SUSD1: variants seen among roughly 807,000 people sequenced by gnomAD.
The protein encoded by SUSD1 is sushi domain-containing protein 1.
SUSD1 carries 65 observed loss-of-function variants against 86.9 expected under a neutral mutation model. The observed-to-expected ratio is 0.75, with a 90% CI of 0.61 to 0.92. SUSD1 has a LOEUF of 0.92. Among genes scored for constraint, SUSD1 ranks in the 40% least tolerant of loss-of-function variants. The probability of loss-of-function intolerance (pLI) is 0.00; values close to 1 mark genes in which losing one functional copy is unlikely to be tolerated. For missense variants in SUSD1, 850 were observed against 929.7 expected, an observed-to-expected ratio of 0.91 and a Z score of 1.11; for synonymous variants, 346 against 350.0, an observed-to-expected ratio of 0.99 and a Z score of 0.13.
intron 5 of SUSD1, among the ~76,000 whole-genome samples, chr9:112,134,768 T>TA (rs552281974): frequency 0.023 from 3,271 of 143,272 alleles, 110 homozygotes; most frequent in African/African-American, 0.08. Flanking sequence ...TGAAATTATT[T>TA]AAAAAAAAAA....
At chr9:112,159,869 G>A (rs1300332573) in intron 1 of SUSD1, among the ~76,000 whole-genome samples, 2 of 151,838 alleles carry the variant, frequency 1.3e-5, no homozygotes, top group Non-Finnish European at 1.5e-5. Flanking sequence ...GGTTAATTTG[G>A]TATTACCTAG....
At chr9:112,131,231 T>C (rs1832021672) in intron 5 of SUSD1, among the ~76,000 whole-genome samples, 2 of 152,192 alleles carry the variant, frequency 1.3e-5, no homozygotes, top group Non-Finnish European at 2.9e-5. Context: ...CACGAAGGGC[T>C]CCACCTAGGC....
intron 6 of SUSD1, among the ~76,000 whole-genome samples, chr9:112,115,824 G>GAAAAAAAAAAGAAAAAAAAAAAGA (rs11269025): frequency 2.5e-5 from 3 of 120,940 alleles, no homozygotes; most frequent in Admixed American, 9.9e-5. Flanking sequence ...AAAAAAAAAA[G>GAAAAAAAAAAGAAAAAAAAAAAGA]AAAAAAAAAA....
chr9:112,075,489 G>T (rs1829477901), intron 12 of SUSD1, among the ~76,000 whole-genome samples: 1 of 152,172 alleles, frequency 6.6e-6, no homozygotes, highest in African/African-American at 2.4e-5. Context: ...CACTTTGGGA[G>T]GTGAGATGGG....
intron 10 of SUSD1, among the ~76,000 whole-genome samples, chr9:112,095,590 C>T (rs1230191378): frequency 6.6e-6 from 1 of 152,178 alleles, no homozygotes; most frequent in Non-Finnish European, 1.5e-5. Flanking sequence ...CAGCAGCTCA[C>T]AGATCAGCTG....
chr9:112,076,789 G>C (rs955653378), intron 12 of SUSD1, among the ~76,000 whole-genome samples: 1 of 152,046 alleles, frequency 6.6e-6, no homozygotes, highest in Admixed American at 6.6e-5. Flanking sequence ...GACTGAGAGG[G>C]GACAGCAAGG....
rs1284375477 is a variant in SUSD1, at chr9:112,114,496, AAAAC to A, written c.887-1632_887-1629del. On this transcript the variant is annotated intron_variant, in intron 6 of 16. Transcript: ENST00000374270. ...AGACTCCATCTCAAAAACAAAAACAAAAACAAACAAACAAAATTCCTGCAGACAG... is the reference window on the plus strand; with the variant it reads ...AGACTCCATCTCAAAAACAAAAACAAAAACAAACAAAATTCCTGCAGACAG... Among the ~76,000 whole-genome samples the A allele has an allele frequency of 4.6e-5, 7 of 152,302 alleles. No individual in the cohort carries two copies. In the East Asian group the frequency reaches 5.8e-4, roughly 13 times the overall value.
At chr9:112,120,923 C>T (rs1016054546) in intron 6 of SUSD1, among the ~76,000 whole-genome samples, 1 of 152,206 alleles carries the variant, frequency 6.6e-6, no homozygotes, top group Non-Finnish European at 1.5e-5. Flanking sequence ...CCAAGTGACT[C>T]CAGCAGTTGT....
At chr9:112,124,914 A>G (rs796311382) in intron 5 of SUSD1, among the ~76,000 whole-genome samples, 7 of 152,326 alleles carry the variant, frequency 4.6e-5, no homozygotes, top group Admixed American at 1.3e-4. Context: ...AATCAGTTGC[A>G]TAGGAGGAGA....
At chr9:112,162,062 T>C (rs1430951041) in intron 1 of SUSD1, among the ~76,000 whole-genome samples, 3 of 152,190 alleles carry the variant, frequency 2.0e-5, no homozygotes, top group African/African-American at 7.2e-5. Context: ...AAATCAACTT[T>C]ATTGAGATAT....
chr9:112,104,838 G>C (rs890252231), intron 8 of SUSD1: 8 of 152,226 alleles, frequency 5.3e-5, no homozygotes, highest in Non-Finnish European at 1.5e-5. Flanking sequence ...TCCAGAATGG[G>C]GGGGAAAAAC....
At chr9:112,043,580 G>T (rs1827834763) in intron 15 of SUSD1, among the ~76,000 whole-genome samples, 1 of 152,058 alleles carries the variant, frequency 6.6e-6, no homozygotes, top group South Asian at 2.1e-4. Context: ...GGCTCTGTGT[G>T]AATTAAGCTC....
At chr9:112,148,904 C>T (rs999092399) in intron 3 of SUSD1, among the ~76,000 whole-genome samples, 9 of 134,612 alleles carry the variant, frequency 6.7e-5, no homozygotes, top group African/African-American at 1.6e-4. Context: ...AGACCCCCCC[C>T]TTAAAAAAAA....
chr9:112,112,924 T>C (rs538478396), intron 6 of SUSD1, 56 bp from the exon 7 acceptor site: 20 of 1,067,648 alleles, frequency 1.9e-5, no homozygotes, highest in Non-Finnish European at 2.6e-5. Flanking sequence ...TTTAGCAAAA[T>C]TCTAAAGGAG....
At chr9:112,141,739 TATATTACATGTA>T (rs1832576675) in intron 5 of SUSD1, among the ~76,000 whole-genome samples, 1 of 130,148 alleles carries the variant, frequency 7.7e-6, no homozygotes, top group African/African-American at 3.4e-5. Context: ...ATATATAATA[TATATTACATGTA>T]ATATATAATA....
At position 112,113,467 on chromosome 9, in the gene SUSD1, G is replaced by C. The variant is rs1232850243; in HGVS notation, c.887-599C>G. Among the ~76,000 whole-genome samples, 3 of 152,146 alleles carry C rather than the reference G, an allele frequency of 2.0e-5. No individual in the cohort carries two copies. The highest frequency in any genetic ancestry group is 7.2e-5 in the African/African-American group (3 of 41,426). On this transcript the variant is annotated intron_variant, in intron 6 of 16. Coordinates refer to ENST00000374270, the MANE Select transcript of SUSD1 (RefSeq NM_022486.5). This position sits in a 1 kb window ranked among gnomAD's most constrained non-coding sequence, Gnocchi z 4.1. ...GCCACTGATTCCTCTGGGTTGTTCT[G>C]CTTCTTTTAAATATTCTGCATATAT...
chr9:112,134,768 TA>T (rs552281974), intron 5 of SUSD1, among the ~76,000 whole-genome samples: 15,678 of 142,876 alleles, frequency 0.11, 937 homozygotes, highest in Non-Finnish European at 0.15. Context: ...TGAAATTATT[TA>T]AAAAAAAAAA....
intron 1 of SUSD1, among the ~76,000 whole-genome samples, chr9:112,172,248 C>A (rs533639425): frequency 6.6e-6 from 1 of 152,116 alleles, no homozygotes; most frequent in African/African-American, 2.4e-5. Context: ...CTGCCCTCAA[C>A]CTAGAGCCCT....
rs114324022 is a variant in SUSD1 at position 112,058,512 on chromosome 9, C to G, written c.2025G>C (p.Leu675=). Residue 675 remains leucine (L), a synonymous_variant, in exon 14 of 17, where the codon CTG becomes CTC. Transcript: ENST00000374270. The stretch of plus-strand genomic sequence containing the variant: ...GTGCATTATAATATTCCCCATAGTA[C>G]AGCCTGTCTCCTATAGGTATCTCCA... ...DAMEIPIGDR[L]YYGEYYNAPL... is the part of the protein sequence containing the mutation. 329 of 1,614,158 alleles carry G rather than the reference C, an allele frequency of 2.0e-4. No homozygotes were observed. The African/African-American group carries it at 3.6e-3, about 18-fold the overall frequency.
Sources: gnomAD v4.1 joint callset for allele counts (sites outside exome capture counted in the v4.1 genomes callset) on GRCh38, gnomAD v4.1.1 for gene constraint, Gnocchi (gnomAD v3.1) non-coding constraint, MANE v1.5 for transcripts, NCBI Gene and HGNC (gene_info 2026-07-23, HGNC 2026-07-21) for gene names.